ZNF804B: variants seen among roughly 807,000 people sequenced by gnomAD.
ZNF804B encodes zinc finger 804B.
In ZNF804B, 80 loss-of-function variants were observed where a neutral mutation model predicts 101.4. The ratio of observed to expected loss-of-function variants is 0.79; its 90% CI spans 0.66 to 0.95. The LOEUF is 0.95. ZNF804B is among the 40% of genes least tolerant of loss of function. The pLI, the probability that ZNF804B is intolerant of heterozygous loss-of-function variation, is 0.00. For synonymous variants in ZNF804B, 622 were observed against 558.8 expected (o/e 1.11, Z -1.59); for missense variants, 1,673 against 1,561.9 (o/e 1.07, Z -1.20).
chr7:89,083,896 C>T (rs1176417869), intron 1 of ZNF804B, among the ~76,000 whole-genome samples: 1 of 151,790 alleles, frequency 6.6e-6, no homozygotes, highest in African/African-American at 2.4e-5. Context: ...TTTAATGATG[C>T]CTGAGGCCTG....
chr7:88,825,167 G>T (rs1191296553), intron 1 of ZNF804B, among the ~76,000 whole-genome samples: 1 of 152,058 alleles, frequency 6.6e-6, no homozygotes, highest in Non-Finnish European at 1.5e-5. Context: ...TGTGAGAGAT[G>T]ATAATAGTGC....
In ZNF804B at chr7:89,335,492, C is replaced by T. The variant is rs150261060; in HGVS notation, c.2510C>T (p.Thr837Ile). ...GATTCTAACTCACAGATTTCCTGTA[C>T]TGGAAGCAGTAAAAAACCACCTAAT... The part of the protein sequence containing the change: ...YCDSNSQISC[T>I]GSSKKPPNCQ... The change falls in exon 4 of 4, where the codon ACT becomes ATT. Residue 837 changes from threonine (T) to isoleucine (I), a missense_variant. Physicochemically the swap from Thr to Ile is moderately conservative, Grantham distance 89 (BLOSUM62 -1). Transcript: ENST00000333190. 1.2e-6 allele frequency: 2 copies of T among 1,613,958 alleles called. No individual in the cohort carries two copies. The highest frequency in any genetic ancestry group is 1.1e-5 in the South Asian group (1 of 91,082).
chr7:89,054,640 A>T (rs181897700), intron 1 of ZNF804B, among the ~76,000 whole-genome samples: 117 of 152,134 alleles, frequency 7.7e-4, no homozygotes, highest in African/African-American at 2.7e-3. Flanking sequence ...AAGCATTAGG[A>T]AAAAACAACT....
chr7:89,218,366 A>T, intron 2 of ZNF804B, 71 bp downstream of exon 2: 1 of 1,539,668 alleles, frequency 6.5e-7, no homozygotes, highest in Non-Finnish European at 8.9e-7. Context: ...TATGAATTTG[A>T]CCTTATTTAC....
intron 1 of ZNF804B, among the ~76,000 whole-genome samples, chr7:88,818,186 T>G (rs956872567): frequency 2.0e-5 from 3 of 152,168 alleles, no homozygotes; most frequent in African/African-American, 7.2e-5. Context: ...TTATTAAATG[T>G]CCATGAAGCA....
At chr7:89,142,553 A>G (rs985455899) in intron 1 of ZNF804B, among the ~76,000 whole-genome samples, 1 of 151,908 alleles carries the variant, frequency 6.6e-6, no homozygotes, top group African/African-American at 2.4e-5. Flanking sequence ...CAGTAAAGCT[A>G]TGTTTCATCT....
At chr7:89,235,143 C>T (rs1789261387) in intron 2 of ZNF804B, among the ~76,000 whole-genome samples, 1 of 151,932 alleles carries the variant, frequency 6.6e-6, no homozygotes, top group South Asian at 2.1e-4. Flanking sequence ...CATCAGTTTT[C>T]CAGTTTATCC....
At position 89,079,361 on chromosome 7, in the gene ZNF804B, A is replaced by G. The variant is rs11976264; in HGVS notation, c.109-138794A>G. On this transcript the variant is annotated intron_variant, in intron 1 of 3. Transcript: ENST00000333190. ...CTATGTTTAGCAAGTAAAAAGTAAA[A>G]CATAAGATAGTTTGGCAAGTGTCAC... Among the ~76,000 whole-genome samples, 940 of 152,170 alleles carry G rather than the reference A, an allele frequency of 6.2e-3. 10 individuals are homozygous for G. The highest frequency in any genetic ancestry group is 0.021 in the African/African-American group (884 of 41,542).
chr7:88,854,392 TTTC>T (rs879698530), intron 1 of ZNF804B, among the ~76,000 whole-genome samples: 3 of 144,260 alleles, frequency 2.1e-5, no homozygotes, highest in Admixed American at 6.9e-5. Flanking sequence ...ACTGCATTTC[TTTC>T]TTTCTTTCTT....
At position 88,885,340 on chromosome 7, in the gene ZNF804B, G is replaced by A. The variant is rs185741516; in HGVS notation, c.108+125256G>A. Among the ~76,000 whole-genome samples, 4 of 151,614 alleles carry A rather than the reference G, an allele frequency of 2.6e-5. No individual in the cohort carries two copies. In the East Asian group the frequency reaches 7.7e-4, roughly 29 times the overall value. On this transcript the variant is annotated intron_variant, in intron 1 of 3. Transcript: ENST00000333190. ...GAGATCACTAGCTTGTATTTACTAT[G>A]CTAATTTATCTTTTCTCATAGAACA...
At chr7:89,314,991 T>C (rs1244450012) in intron 2 of ZNF804B, among the ~76,000 whole-genome samples, 1 of 152,134 alleles carries the variant, frequency 6.6e-6, no homozygotes, top group East Asian at 1.9e-4. Flanking sequence ...TACCTGAGGC[T>C]GGATAATTTA....
At chr7:89,186,995 A>G (rs1454885934) in intron 1 of ZNF804B, among the ~76,000 whole-genome samples, 1 of 152,174 alleles carries the variant, frequency 6.6e-6, no homozygotes, top group Non-Finnish European at 1.5e-5. Flanking sequence ...AAATCTTTCC[A>G]TCAATATCTG....
chr7:89,237,409 T>G (rs140596201), intron 2 of ZNF804B, among the ~76,000 whole-genome samples: 1 of 152,280 alleles, frequency 6.6e-6, no homozygotes, highest in East Asian at 1.9e-4. Flanking sequence ...TTTCCTTAGG[T>G]GTGATCTATC....
chr7:89,014,403 G>A (rs570353310), intron 1 of ZNF804B, among the ~76,000 whole-genome samples: 36 of 152,088 alleles, frequency 2.4e-4, no homozygotes, highest in African/African-American at 3.4e-4. Context: ...TGCAAGCTCC[G>A]CCTCCTGGGT....
intron 1 of ZNF804B, among the ~76,000 whole-genome samples, chr7:88,800,087 A>G (rs1304425733): frequency 6.6e-6 from 1 of 152,142 alleles, no homozygotes; most frequent in Non-Finnish European, 1.5e-5. Flanking sequence ...TATGTCTTAT[A>G]TCAAAATGAT....
At chr7:89,325,427 C>T (rs1043370568) in intron 2 of ZNF804B, among the ~76,000 whole-genome samples, 1 of 152,024 alleles carries the variant, frequency 6.6e-6, no homozygotes, top group South Asian at 2.1e-4. Context: ...AAGCACTTGT[C>T]TGTCTTCCTT....
intron 1 of ZNF804B, among the ~76,000 whole-genome samples, chr7:88,950,320 T>C (rs1793199028): frequency 6.6e-6 from 1 of 151,954 alleles, no homozygotes; most frequent in African/African-American, 2.4e-5. Context: ...AAACTGTCTC[T>C]GCCATTAAGT....
At chr7:89,327,512 C>T (rs201700393) in intron 3 of ZNF804B, 38 bp downstream of exon 3, 8 of 1,587,976 alleles carry the variant, frequency 5.0e-6, no homozygotes, top group East Asian at 2.3e-5. Flanking sequence ...TCAAAACTCT[C>T]GTCAACCTAT....
chr7:89,212,621 A>G (rs745650878), intron 1 of ZNF804B, among the ~76,000 whole-genome samples: 22 of 152,134 alleles, frequency 1.4e-4, no homozygotes, highest in Non-Finnish European at 2.8e-4. Context: ...ACAAAACAGG[A>G]AAGTGTTTGT....
Sources: gnomAD v4.1 joint callset for allele counts (sites outside exome capture counted in the v4.1 genomes callset) on GRCh38, gnomAD v4.1.1 for gene constraint, MANE v1.5 for transcripts, NCBI Gene and HGNC (gene_info 2026-07-23, HGNC 2026-07-21) for gene names.